Variants in GCM1 observed in about 807,000 individuals in gnomAD.
GCM1 encodes chorion-specific transcription factor GCMa.
GCM1 carries 2 observed loss-of-function variants against 25.7 expected under a neutral mutation model. The ratio of observed to expected loss-of-function variants is 0.08; its 90% CI spans 0.03 to 0.24. GCM1 has a LOEUF of 0.24. Among genes scored for constraint, GCM1 ranks in the 10% least tolerant of loss-of-function variants. The pLI, the probability that GCM1 is intolerant of heterozygous loss-of-function variation, is 1.00. For missense variants in GCM1, 395 were observed against 538.7 expected, an observed-to-expected ratio of 0.73 and a Z score of 2.64; for synonymous variants, 183 against 195.7, an observed-to-expected ratio of 0.94 and a Z score of 0.54.
chr6:53,147,425 G>GTTTTTTTTTTTTTTTTTTTTTATT (rs1763974971), intron 1 of GCM1, among the ~76,000 whole-genome samples: 1 of 93,574 alleles, frequency 1.1e-5, no homozygotes, highest in Non-Finnish European at 2.1e-5. Context: ...AGTTTTTATT[G>GTTTTTTTTTTTTTTTTTTTTTATT]TTTTTTTTTT....
chr6:53,131,284 C>T (rs954050252), intron 4 of GCM1, among the ~76,000 whole-genome samples: 1 of 152,190 alleles, frequency 6.6e-6, no homozygotes, highest in Non-Finnish European at 1.5e-5. Flanking sequence ...GTTTACAGAA[C>T]AGGAAACTGA....
chr6:53,133,928 G>A, intron 3 of GCM1, 144 bp downstream of exon 3: 1 of 780,834 alleles, frequency 1.3e-6, no homozygotes, highest in South Asian at 1.7e-5. Context: ...CGCTCCATAT[G>A]CTCCATGTCA....
chr6:53,145,611 A>C lies in GCM1; in HGVS notation c.22T>G (p.Ser8Ala). 3 of 1,600,406 alleles carry C rather than the reference A, an allele frequency of 1.9e-6. No individual in the cohort carries two copies. Among genetic ancestry groups the C allele is most frequent in the Non-Finnish European group, 2.6e-6 (3 of 1,167,650 alleles). ...CAGCTTAATATCTCTTTGTCTTCAG[A>C]ATCAAAGTCGTCAGGTTCCATGATA... MEPDDFD[S>A]EDKEILSWDI... The change falls in exon 2 of 6, where the codon TCT (serine) becomes GCT (alanine). Residue 8 changes from serine to alanine, a missense_variant. Physicochemically the swap from Ser to Ala is moderately conservative, Grantham distance 99 (BLOSUM62 1). This residue lies in a region of GCM1 where 44 missense variants were observed against 60.8 expected (regional missense o/e 0.72). Coordinates refer to ENST00000259803, the MANE Select transcript of GCM1 (RefSeq NM_003643.4).
chr6:53,143,242 A>AT (rs1389125037), intron 2 of GCM1, among the ~76,000 whole-genome samples: 1 of 152,178 alleles, frequency 6.6e-6, no homozygotes, highest in Non-Finnish European at 1.5e-5. Context: ...CCAAATGTGC[A>AT]TTTTTTGCTA....
intron 5 of GCM1, among the ~76,000 whole-genome samples, chr6:53,129,437 C>A (rs1763693259): frequency 1.3e-5 from 2 of 152,202 alleles, no homozygotes; most frequent in Admixed American, 1.3e-4. Context: ...CCACGCCCAG[C>A]TAATTTTTGT....
intron 2 of GCM1, among the ~76,000 whole-genome samples, chr6:53,135,698 G>A (rs1293880805): frequency 6.6e-6 from 1 of 152,154 alleles, no homozygotes; most frequent in Non-Finnish European, 1.5e-5. Context: ...CATCTAGACG[G>A]TTCTAGAAGG....
At chr6:53,141,486 G>A (rs1315117743) in intron 2 of GCM1, among the ~76,000 whole-genome samples, 2 of 152,172 alleles carry the variant, frequency 1.3e-5, no homozygotes, top group Admixed American at 6.5e-5. Flanking sequence ...GGGAGATCGA[G>A]ACCATCCTGG....
At chr6:53,147,664 G>A (rs2127511863) in intron 1 of GCM1, among the ~76,000 whole-genome samples, 1 of 151,922 alleles carries the variant, frequency 6.6e-6, no homozygotes. Flanking sequence ...CCTTTCCTCA[G>A]GTGATCCATA....
chr6:53,146,410 G>C (rs1349142378), intron 1 of GCM1, among the ~76,000 whole-genome samples: 2 of 151,624 alleles, frequency 1.3e-5, no homozygotes, highest in African/African-American at 4.8e-5. Context: ...AGTAGAGATG[G>C]GGTTTCACTC....
chr6:53,141,629 G>A (rs1252885794), intron 2 of GCM1, among the ~76,000 whole-genome samples: 2 of 152,070 alleles, frequency 1.3e-5, no homozygotes, highest in Non-Finnish European at 2.9e-5. Flanking sequence ...GGAGCTTGCA[G>A]TGAGCCGAGA....
intron 2 of GCM1, among the ~76,000 whole-genome samples, chr6:53,141,135 G>A (rs1424464070): frequency 1.3e-5 from 2 of 152,068 alleles, no homozygotes; most frequent in East Asian, 3.9e-4. Flanking sequence ...TCTCTATTTA[G>A]GCAGTAATCT....
At chr6:53,144,950 A>C (rs1308802766) in intron 2 of GCM1, among the ~76,000 whole-genome samples, 3 of 143,462 alleles carry the variant, frequency 2.1e-5, no homozygotes, top group Non-Finnish European at 4.5e-5. Context: ...AAGAAGAAAG[A>C]AAAGAAAAGA....
chr6:53,133,966 A>T, intron 3 of GCM1, 106 bp downstream of exon 3: 1 of 1,114,346 alleles, frequency 9.0e-7, no homozygotes, highest in South Asian at 1.5e-5. Context: ...ACTACACTCC[A>T]GGGTGATGGT....
In GCM1 at chr6:53,145,616, A is replaced by C. The variant is rs1129070; in HGVS notation, c.17T>G (p.Phe6Cys). Residue 6 changes from phenylalanine to cysteine, a missense_variant, in exon 2 of 6, where the codon TTT becomes TGT. Coordinates refer to ENST00000259803, the MANE Select transcript of GCM1 (RefSeq NM_003643.4). MEPDD[F>C]DSEDKEILSW... ...TAATATCTCTTTGTCTTCAGAATCA[A>C]AGTCGTCAGGTTCCATGATAAGGTC... 1.3e-6 allele frequency: 2 copies of C among 1,598,128 alleles called. No individual in the cohort carries two copies. Among genetic ancestry groups the C allele is most frequent in the South Asian group, 2.2e-5 (2 of 90,640 alleles).
chr6:53,141,009 A>AT (rs954403757), intron 2 of GCM1, among the ~76,000 whole-genome samples: 5 of 151,730 alleles, frequency 3.3e-5, no homozygotes, highest in South Asian at 2.1e-4. Context: ...GGTTGATCTA[A>AT]TTTTTTTTTC....
At chr6:53,147,251 C>T (rs1001461844) in intron 1 of GCM1, among the ~76,000 whole-genome samples, 3 of 151,858 alleles carry the variant, frequency 2.0e-5, no homozygotes, top group Non-Finnish European at 2.9e-5. Flanking sequence ...CTTGTTAGTA[C>T]GATATGAAGT....
chr6:53,129,088 C>T (rs897243515), intron 5 of GCM1, 142 bp from the exon 6 acceptor site: 1 of 657,142 alleles, frequency 1.5e-6, no homozygotes, highest in Non-Finnish European at 2.6e-6. Flanking sequence ...GACGCACAAA[C>T]ACATGCAGCG....
intron 2 of GCM1, among the ~76,000 whole-genome samples, chr6:53,139,695 A>G (rs983481747): frequency 6.6e-6 from 1 of 151,872 alleles, no homozygotes; most frequent in Admixed American, 6.6e-5. Context: ...CCCCATCTCT[A>G]CTAAAAATAC....
At chr6:53,133,146 A>G (rs1178904853) in intron 3 of GCM1, among the ~76,000 whole-genome samples, 1 of 152,198 alleles carries the variant, frequency 6.6e-6, no homozygotes, top group Non-Finnish European at 1.5e-5. Flanking sequence ...TCATTGATGA[A>G]TTAACATTAA....
Sources: allele counts gnomAD v4.1 joint callset (sites outside exome capture counted in the v4.1 genomes callset), GRCh38; gene constraint gnomAD v4.1.1; regional missense constraint gnomAD v4.1.1; transcripts MANE v1.5; gene names NCBI Gene and HGNC (gene_info 2026-07-23, HGNC 2026-07-21).